CCDC40: variants seen among roughly 807,000 people sequenced by gnomAD.
CCDC40 encodes coiled-coil domain-containing protein 40.
Under a neutral mutation model 124.5 loss-of-function variants are expected in CCDC40, and 104 were observed. That is an observed-to-expected ratio of 0.84 (90% CI 0.71 to 0.98). The LOEUF (loss-of-function observed/expected upper bound fraction) is 0.98, where lower values mean the gene tolerates loss of function less well. CCDC40 is among the 50% of genes least tolerant of loss of function. CCDC40 has a pLI of 0.00. For missense variants in CCDC40, 1,463 were observed against 1,503.9 expected, an observed-to-expected ratio of 0.97 and a Z score of 0.45; for synonymous variants, 580 against 602.9, an observed-to-expected ratio of 0.96 and a Z score of 0.56.
intron 3 of CCDC40, among the ~76,000 whole-genome samples, chr17:80,044,710 A>T (rs8071888): frequency 0.09 from 10,009 of 111,786 alleles, 767 homozygotes; most frequent in African/African-American, 0.24. Flanking sequence ...AACAAACAAA[A>T]AAAAAAATAT....
At chr17:80,053,085 A>G (rs2037646504) in intron 7 of CCDC40, among the ~76,000 whole-genome samples, 1 of 152,234 alleles carries the variant, frequency 6.6e-6, no homozygotes, top group Admixed American at 6.5e-5. Flanking sequence ...GGGAAATCGA[A>G]TCAGTGTCCG....
chr17:80,090,188 A>G lies in CCDC40; in HGVS notation c.2832+304A>G, dbSNP rs866179546. ...GCACACAGGCACGTGCACGAACAAC[A>G]CGGGACGCACGCAGGCACGTGCACG... is the stretch of plus-strand genomic sequence containing the variant. On this transcript the variant is annotated intron_variant, in intron 17 of 19. Transcript: ENST00000397545. 2.7e-4 allele frequency: 280 copies of G among 1,048,910 alleles called. 21 individuals are homozygous for G. The highest frequency in any genetic ancestry group is 1.1e-3 in the South Asian group (68 of 62,636). The allele number at this position is 1,048,910 out of a possible 1,614,324, so 65.0% of individuals were successfully genotyped here. A position where few individuals can be genotyped will look rare whatever the true frequency, so the allele number is the denominator to read the frequency against.
Position 80,088,084 on chromosome 17 carries a change from ATCAAC to A in CCDC40, c.2695_2699del (p.Gln899GlyfsTer97). On this transcript the variant is annotated frameshift_variant, in exon 16 of 20. Coordinates refer to ENST00000397545, the MANE Select transcript of CCDC40 (RefSeq NM_017950.4). LOFTEE classifies it high-confidence loss of function. ...AGCGAGGAGAAGGCGACCCTCCTGA[ATCAAC>A]TGGTGGAAGCAGAGTGAGTCCCAGT... 1 of 1,613,626 alleles carries A rather than the reference ATCAAC, an allele frequency of 6.2e-7. No homozygotes were observed. The highest frequency in any genetic ancestry group is 8.5e-7 in the Non-Finnish European group (1 of 1,179,584).
intron 10 of CCDC40, among the ~76,000 whole-genome samples, chr17:80,079,497 C>A (rs2038396840): frequency 6.6e-6 from 1 of 152,192 alleles, no homozygotes; most frequent in Non-Finnish European, 1.5e-5. Context: ...CAGTTCTCTT[C>A]ACACTGTGTT....
chr17:80,078,460 T>C (rs1057269656), intron 10 of CCDC40, among the ~76,000 whole-genome samples: 1 of 152,202 alleles, frequency 6.6e-6, no homozygotes, highest in Non-Finnish European at 1.5e-5. Flanking sequence ...TCACGTTTGT[T>C]GTGGTATGAG....
intron 4 of CCDC40, 68 bp from the exon 5 acceptor site, chr17:80,048,514 GC>G: frequency 7.7e-7 from 1 of 1,298,570 alleles, no homozygotes; most frequent in East Asian, 2.4e-5. Flanking sequence ...TGCCATTGAT[GC>G]CCCAGAATAG....
At chr17:80,093,609 G>A (rs1480285356) in intron 17 of CCDC40, among the ~76,000 whole-genome samples, 2 of 151,704 alleles carry the variant, frequency 1.3e-5, no homozygotes, top group African/African-American at 4.8e-5. Flanking sequence ...GCCTCCCGGG[G>A]TTCAAGTGAT....
intron 5 of CCDC40, among the ~76,000 whole-genome samples, 166 bp downstream of exon 5, chr17:80,048,927 G>A (rs1437325922): frequency 6.6e-6 from 1 of 152,136 alleles, no homozygotes; most frequent in Non-Finnish European, 1.5e-5. Context: ...CTCTTCGTAG[G>A]GTACTCTCCT....
chr17:80,072,262 C>T (rs1011765112), intron 10 of CCDC40, among the ~76,000 whole-genome samples: 1 of 151,902 alleles, frequency 6.6e-6, no homozygotes, highest in Non-Finnish European at 1.5e-5. Flanking sequence ...TTTTAAAGTA[C>T]GATTTAAAAA....
At chr17:80,046,364 C>G (rs926951757) in intron 3 of CCDC40, among the ~76,000 whole-genome samples, 1 of 151,976 alleles carries the variant, frequency 6.6e-6, no homozygotes, top group African/African-American at 2.4e-5. Flanking sequence ...GACCCTACCT[C>G]TAAGTAAAAT....
chr17:80,084,832 G>C lies in CCDC40; in HGVS notation c.2079G>C (p.Lys693Asn). 1 of 1,614,162 alleles carries C rather than the reference G, an allele frequency of 6.2e-7. No homozygotes were observed. The highest frequency in any genetic ancestry group is 8.5e-7 in the Non-Finnish European group (1 of 1,180,014). Residue 693 changes from lysine to asparagine, a missense_variant, in exon 13 of 20, where the codon AAG becomes AAC. Physicochemically the swap from Lys to Asn is moderately conservative, Grantham distance 94. Transcript: ENST00000397545. ...GCAGCAGGCTGGACGCACACCAGAA[G>C]ACCCTGGTGGAGCTGGACCAGGACG... ...HTSSRLDAHQ[K>N]TLVELDQDVK...
intron 19 of CCDC40, among the ~76,000 whole-genome samples, chr17:80,098,202 G>A (rs1215670333): frequency 6.6e-6 from 1 of 152,208 alleles, no homozygotes; most frequent in Non-Finnish European, 1.5e-5. Context: ...AGAGGCCAGT[G>A]GGGCAGGCTG....
chr17:80,044,709 A>T (rs1189913587), intron 3 of CCDC40, among the ~76,000 whole-genome samples: 2 of 55,668 alleles, frequency 3.6e-5, no homozygotes, highest in African/African-American at 1.8e-4. Flanking sequence ...AAACAAACAA[A>T]AAAAAAAATA....
Position 80,058,614 on chromosome 17 carries a change from C to A in CCDC40, c.1280C>A (p.Thr427Lys), listed in dbSNP as rs370720427. ...ACACAAGTGGTAAAGAAGGCCGAGA[C>A]GGAGAGGATCCGGGCAGAAATCGAG... is the stretch of plus-strand genomic sequence containing the variant. ...VMTQVVKKAE[T>K]ERIRAEIEKK... The change falls in exon 8 of 20, where the codon ACG becomes AAG. Residue 427 changes from threonine to lysine, a missense_variant. Thr to Lys is a moderately conservative substitution (Grantham distance 78). Coordinates refer to ENST00000397545, the MANE Select transcript of CCDC40 (RefSeq NM_017950.4). The surrounding 1 kb of genome is among the most constrained non-coding windows in gnomAD (Gnocchi z 4.2). 2.5e-6 allele frequency: 4 copies of A among 1,614,208 alleles called. No homozygotes were observed. In the South Asian group the frequency reaches 4.4e-5, roughly 18 times the overall value.
chr17:80,084,839 G>A lies in CCDC40; in HGVS notation c.2086G>A (p.Val696Met), dbSNP rs374963474. The A allele has an allele frequency of 5.0e-6, 8 of 1,614,072 alleles. No individual in the cohort carries two copies. The highest frequency in any genetic ancestry group is 1.1e-5 in the South Asian group (1 of 91,088). The stretch of plus-strand genomic sequence containing the variant: ...GCTGGACGCACACCAGAAGACCCTG[G>A]TGGAGCTGGACCAGGACGTGAAGAA... ...SRLDAHQKTL[V>M]ELDQDVKKVN... Residue 696 changes from valine (V) to methionine (M), a missense_variant, in exon 13 of 20, where the codon GTG becomes ATG. Val to Met is a conservative substitution (Grantham distance 21). Coordinates refer to ENST00000397545, the MANE Select transcript of CCDC40 (RefSeq NM_017950.4).
rs1324453186 is a variant in CCDC40 at position 80,088,699 on chromosome 17, CG to C, written c.2711+600del. Among the ~76,000 whole-genome samples, 11 of 152,232 alleles carry C rather than the reference CG, an allele frequency of 7.2e-5. No individual in the cohort carries two copies. The East Asian group carries it at 1.9e-3, about 27-fold the overall frequency. Reference sequence around the variant, plus strand: ...GTGCATGCCGGTAGTCCCAGCTACTCGGGAGGCTGAGGTGGGAGGATCGCTT... The same window carrying C: ...GTGCATGCCGGTAGTCCCAGCTACTCGGAGGCTGAGGTGGGAGGATCGCTT... On this transcript the variant is annotated intron_variant, in intron 16 of 19. Coordinates refer to ENST00000397545, the MANE Select transcript of CCDC40 (RefSeq NM_017950.4).
intron 4 of CCDC40, among the ~76,000 whole-genome samples, chr17:80,047,705 G>A (rs763379406): frequency 2.0e-5 from 3 of 152,212 alleles, no homozygotes; most frequent in Non-Finnish European, 4.4e-5. Flanking sequence ...CCAAGATTCA[G>A]TGACGCCCAG....
At chr17:80,040,692 A>AG (rs956665775) in intron 3 of CCDC40, among the ~76,000 whole-genome samples, 2 of 151,782 alleles carry the variant, frequency 1.3e-5, no homozygotes, top group Admixed American at 6.6e-5. Context: ...AAAAAAAAAA[A>AG]AAAGAAAAGA....
chr17:80,046,729 C>T (rs1387462548), intron 3 of CCDC40, among the ~76,000 whole-genome samples: 1 of 152,144 alleles, frequency 6.6e-6, no homozygotes, highest in East Asian at 1.9e-4. Context: ...GGCTCCTGGC[C>T]AGGGTCTCCC....
Sources: gnomAD v4.1 joint callset for allele counts (sites outside exome capture counted in the v4.1 genomes callset) on GRCh38, gnomAD v4.1.1 for gene constraint, Gnocchi (gnomAD v3.1) non-coding constraint, MANE v1.5 for transcripts, NCBI Gene and HGNC (gene_info 2026-07-23, HGNC 2026-07-21) for gene names.